The following ALK variants were observed in gnomAD, a reference collection of about 807,000 sequenced individuals.
ALK encodes the protein ALK tyrosine kinase receptor.
ALK carries 74 observed loss-of-function variants against 163.1 expected under a neutral mutation model. That is an observed-to-expected ratio of 0.45 (90% CI 0.38 to 0.55). ALK has a LOEUF of 0.55. Among genes scored for constraint, ALK ranks in the 20% least tolerant of loss-of-function variants. The pLI is 0.00. For synonymous variants in ALK, 960 were observed against 843.2 expected (o/e 1.14, Z -2.40); for missense variants, 2,063 against 2,105.3 (o/e 0.98, Z 0.39).
At chr2:29,444,451 A>G (rs966848777) in intron 4 of ALK, among the ~76,000 whole-genome samples, 13 of 152,138 alleles carry the variant, frequency 8.5e-5, no homozygotes, top group Admixed American at 7.9e-4. Flanking sequence ...TTTGCAAATG[A>G]ACAGATGAGG....
chr2:29,689,955 T>A (rs1197274750), intron 3 of ALK, among the ~76,000 whole-genome samples: 1 of 152,194 alleles, frequency 6.6e-6, no homozygotes, highest in Non-Finnish European at 1.5e-5. Context: ...GGATTTCTCT[T>A]CAGAGCCTCC....
At chr2:29,358,053 G>T (rs1486616251) in intron 5 of ALK, among the ~76,000 whole-genome samples, 2 of 152,184 alleles carry the variant, frequency 1.3e-5, no homozygotes, top group Non-Finnish European at 2.9e-5. Context: ...TTTCACAGAT[G>T]GTAAACAGCA....
At chr2:29,599,589 C>G (rs1675319063) in intron 3 of ALK, among the ~76,000 whole-genome samples, 1 of 152,184 alleles carries the variant, frequency 6.6e-6, no homozygotes, top group South Asian at 2.1e-4. Context: ...CAGGGACCTG[C>G]CTGGACCAGA....
chr2:29,331,223 T>C (rs967651524), intron 5 of ALK, among the ~76,000 whole-genome samples: 2 of 152,212 alleles, frequency 1.3e-5, no homozygotes, highest in Non-Finnish European at 2.9e-5. Context: ...GGCCTCAAGA[T>C]AGCCTAAGCA....
At chr2:29,582,152 T>C (rs1674717206) in intron 3 of ALK, among the ~76,000 whole-genome samples, 1 of 152,188 alleles carries the variant, frequency 6.6e-6, no homozygotes. Flanking sequence ...TCTGCCTAGA[T>C]AGAGCCACTT....
intron 4 of ALK, among the ~76,000 whole-genome samples, chr2:29,505,115 A>C (rs1367036950): frequency 6.6e-6 from 1 of 152,096 alleles, no homozygotes; most frequent in East Asian, 1.9e-4. Context: ...GACCAGGGTG[A>C]GGGAGGCAAG....
intron 4 of ALK, among the ~76,000 whole-genome samples, chr2:29,501,559 C>T (rs1306700859): frequency 1.3e-5 from 2 of 152,212 alleles, no homozygotes; most frequent in Non-Finnish European, 2.9e-5. Context: ...CTTCTTCCTC[C>T]TTCCGGGGGA....
chr2:29,323,880 T>C (rs962214058), intron 6 of ALK, among the ~76,000 whole-genome samples: 3 of 152,222 alleles, frequency 2.0e-5, no homozygotes, highest in Non-Finnish European at 4.4e-5. Context: ...AAAACTTATT[T>C]GCTGAACAAA....
At chr2:29,290,932 G>T (rs1255534872) in intron 9 of ALK, among the ~76,000 whole-genome samples, 1 of 152,172 alleles carries the variant, frequency 6.6e-6, no homozygotes, top group Non-Finnish European at 1.5e-5. Flanking sequence ...GGAATGGTCT[G>T]CAGCAGGAGG....
Position 29,694,870 on chromosome 2 carries a change from C to T in ALK, c.932G>A (p.Arg311His), listed in dbSNP as rs150966028. 595 of 1,613,876 alleles carry T rather than the reference C, an allele frequency of 3.7e-4. No homozygotes were observed. The highest frequency in any genetic ancestry group is 1.2e-3 in the South Asian group (112 of 91,074). ...CTTACCTCTGGGCATCTCCTTAGAACGCTCTGCCCCAGGCCCATCCAGCAA... is the reference window on the plus strand; with the variant it reads ...CTTACCTCTGGGCATCTCCTTAGAATGCTCTGCCCCAGGCCCATCCAGCAA... ...MDLLDGPGAERSKEMPRGSFL... is the reference protein window; with the variant it reads ...MDLLDGPGAEHSKEMPRGSFL... Residue 311 changes from arginine (R) to histidine (H), a missense_variant, in exon 3 of 29, where the codon CGT (arginine) becomes CAT (histidine). By Grantham distance (29) the Arg-to-His change is conservative. Coordinates refer to ENST00000389048, the MANE Select transcript of ALK (RefSeq NM_004304.5).
chr2:29,221,182 TC>T (rs1199855907), intron 22 of ALK: 50 of 547,068 alleles, frequency 9.1e-5, no homozygotes, highest in Non-Finnish European at 1.6e-4. Flanking sequence ...ATGGTCGATT[TC>T]TCCCAGGAAG....
chr2:29,772,476 T>G (rs1034151209), intron 1 of ALK, among the ~76,000 whole-genome samples: 1 of 152,204 alleles, frequency 6.6e-6, no homozygotes, highest in Non-Finnish European at 1.5e-5. Flanking sequence ...TTGGCACATA[T>G]GCAGATGCAG....
At chr2:29,423,550 G>A (rs1022218626) in intron 4 of ALK, among the ~76,000 whole-genome samples, 2 of 152,226 alleles carry the variant, frequency 1.3e-5, no homozygotes, top group Non-Finnish European at 2.9e-5. Context: ...AATTTTCTCT[G>A]CTTCTTCGTG....
At chr2:29,303,330 A>G (rs950453281) in intron 8 of ALK, among the ~76,000 whole-genome samples, 1 of 152,206 alleles carries the variant, frequency 6.6e-6, no homozygotes, top group African/African-American at 2.4e-5. Context: ...AAAACCAATG[A>G]GATACCATCT....
chr2:29,851,542 G>C (rs1053773377), intron 1 of ALK, among the ~76,000 whole-genome samples: 1 of 152,138 alleles, frequency 6.6e-6, no homozygotes, highest in African/African-American at 2.4e-5. Flanking sequence ...TAGACCAGTT[G>C]TTCTCAAGCT....
chr2:29,306,136 G>C (rs934842088), intron 8 of ALK, among the ~76,000 whole-genome samples: 1 of 152,186 alleles, frequency 6.6e-6, no homozygotes, highest in African/African-American at 2.4e-5. Flanking sequence ...GAAGTCATTT[G>C]TTAATTGACT....
At chr2:29,706,400 C>T (rs1678913220) in intron 2 of ALK, among the ~76,000 whole-genome samples, 1 of 152,212 alleles carries the variant, frequency 6.6e-6, no homozygotes. Context: ...CTTCATAACA[C>T]TAAGTATCCA....
At chr2:29,612,055 C>T (rs1255064742) in intron 3 of ALK, among the ~76,000 whole-genome samples, 2 of 152,132 alleles carry the variant, frequency 1.3e-5, no homozygotes, top group Non-Finnish European at 2.9e-5. Flanking sequence ...GTGACTCGCT[C>T]ACCAGCTCAG....
rs78208597 is a variant in ALK at position 29,570,425 on chromosome 2, C to G, written c.953-38309G>C. Among the ~76,000 whole-genome samples, 1,328 of 152,280 alleles carry G rather than the reference C, an allele frequency of 8.7e-3. 10 individuals carry two copies. Among genetic ancestry groups the G allele is most frequent in the Non-Finnish European group, 0.011 (744 of 68,022 alleles). ...GGCAGGTGTGCCCAGGTAGGACCGA[C>G]AGTGCTCAAGAATGTTAAAATTCTG... On this transcript the variant is annotated intron_variant, in intron 3 of 28. Coordinates refer to ENST00000389048, the MANE Select transcript of ALK (RefSeq NM_004304.5).
Sources: allele counts gnomAD v4.1 joint callset (sites outside exome capture counted in the v4.1 genomes callset), GRCh38; gene constraint gnomAD v4.1.1; transcripts MANE v1.5; gene names NCBI Gene and HGNC (gene_info 2026-07-23, HGNC 2026-07-21).